The following C12orf42 variants were observed in gnomAD, a reference collection of about 807,000 sequenced individuals.
C12orf42 encodes uncharacterized protein C12orf42.
C12orf42 carries 25 observed loss-of-function variants against 21.6 expected under a neutral mutation model. The observed-to-expected ratio is 1.16, with a 90% CI of 0.84 to 1.62. The LOEUF is 1.62. Ranked by LOEUF, C12orf42 falls within the 40% of genes most tolerant of loss-of-function variation. C12orf42 has a pLI of 0.00. For synonymous variants in C12orf42, 174 were observed against 175.0 expected (o/e 0.99, Z 0.05); for missense variants, 483 against 459.3 (o/e 1.05, Z -0.47).
the C12orf42 span, among the ~76,000 whole-genome samples, chr12:103,219,564 G>T: frequency 9.2e-5 from 14 of 151,918 alleles, no homozygotes; most frequent in African/African-American, 3.4e-4. Context: ...AAATTTACAA[G>T]AAAAAAACAA....
intron 2 of C12orf42, among the ~76,000 whole-genome samples, chr12:103,423,034 G>A (rs966316060): frequency 1.3e-5 from 2 of 151,850 alleles, no homozygotes; most frequent in Admixed American, 1.3e-4. Context: ...TTTTTCCTTC[G>A]ATGCCCCCAG....
chr12:103,085,588 C>T, the C12orf42 span, among the ~76,000 whole-genome samples: 197 of 151,542 alleles, frequency 1.3e-3, no homozygotes, highest in African/African-American at 4.3e-3. Flanking sequence ...CGACCTCCTC[C>T]GCTCAAATTA....
intron 4 of C12orf42, among the ~76,000 whole-genome samples, chr12:103,329,069 T>A (rs2040972213): frequency 6.6e-6 from 1 of 151,570 alleles, no homozygotes; most frequent in Non-Finnish European, 1.5e-5. Flanking sequence ...CAGGCATGCA[T>A]TTAGAGCTAT....
chr12:103,558,946 G>A, the C12orf42 span: 1 of 152,116 alleles, frequency 6.6e-6, no homozygotes. Context: ...AATGAGCTGG[G>A]GCCTGTGTAG....
chr12:103,535,307 G>C, the C12orf42 span, among the ~76,000 whole-genome samples: 1 of 152,074 alleles, frequency 6.6e-6, no homozygotes, highest in Non-Finnish European at 1.5e-5. Flanking sequence ...AGACATTCAA[G>C]ACTGAAGTAT....
chr12:103,153,943 G>A, the C12orf42 span, among the ~76,000 whole-genome samples: 1 of 140,146 alleles, frequency 7.1e-6, no homozygotes, highest in African/African-American at 2.6e-5. Flanking sequence ...AGTAAATTGT[G>A]GTATTTTCAT....
At chr12:103,318,062 G>A (rs2039697927) in intron 4 of C12orf42, among the ~76,000 whole-genome samples, 1 of 152,040 alleles carries the variant, frequency 6.6e-6, no homozygotes, top group Non-Finnish European at 1.5e-5. Flanking sequence ...AGCACTTTAG[G>A]AGGCCAAGGT....
chr12:103,060,581 C>T, the C12orf42 span, among the ~76,000 whole-genome samples: 1 of 152,156 alleles, frequency 6.6e-6, no homozygotes, highest in Non-Finnish European at 1.5e-5. Flanking sequence ...AACTATACTA[C>T]AAGGCTACAG....
intron 10 of C12orf42, among the ~76,000 whole-genome samples, chr12:103,238,707 G>A (rs549111732): frequency 1.1e-4 from 17 of 152,264 alleles, no homozygotes; most frequent in African/African-American, 3.8e-4. Context: ...AAAACAGAGG[G>A]GAATGAAGGC....
chr12:103,180,965 A>G, the C12orf42 span, among the ~76,000 whole-genome samples: 1 of 152,146 alleles, frequency 6.6e-6, no homozygotes, highest in Non-Finnish European at 1.5e-5. Context: ...TAACTAATTT[A>G]AAAATTCAAG....
intron 10 of C12orf42, among the ~76,000 whole-genome samples, chr12:103,258,562 T>A (rs951202812): frequency 1.3e-5 from 2 of 151,680 alleles, no homozygotes; most frequent in Middle Eastern, 3.2e-3. Flanking sequence ...AATCAAAAAA[T>A]AAGAATAAAA....
the C12orf42 span, chr12:103,168,043 G>A: frequency 2.2e-6 from 1 of 455,632 alleles, no homozygotes; most frequent in Admixed American, 2.4e-5. Context: ...TATAGGTGAG[G>A]GAGAATGGGA....
At chr12:103,228,993 C>T in the C12orf42 span, among the ~76,000 whole-genome samples, 1 of 152,052 alleles carries the variant, frequency 6.6e-6, no homozygotes, top group Non-Finnish European at 1.5e-5. Flanking sequence ...AACCTCATTC[C>T]ATTCATTCAT....
At chr12:103,489,403 G>T (rs959194930) in intron 1 of C12orf42, among the ~76,000 whole-genome samples, 1 of 152,202 alleles carries the variant, frequency 6.6e-6, no homozygotes, top group African/African-American at 2.4e-5. Flanking sequence ...GGCTACACAG[G>T]GGTCAGGGAC....
chr12:103,276,031 C>A (rs1488641765), intron 5 of C12orf42, among the ~76,000 whole-genome samples: 1 of 152,132 alleles, frequency 6.6e-6, no homozygotes, highest in Non-Finnish European at 1.5e-5. Context: ...TATGATCATG[C>A]CTCCGCACTC....
the C12orf42 span, among the ~76,000 whole-genome samples, chr12:103,511,429 T>A: frequency 1.3e-5 from 2 of 151,626 alleles, no homozygotes; most frequent in African/African-American, 2.4e-5. Context: ...TTATATATAA[T>A]GCATGCATAT....
chr12:103,179,439 G>A, the C12orf42 span, among the ~76,000 whole-genome samples: 1 of 152,176 alleles, frequency 6.6e-6, no homozygotes, highest in African/African-American at 2.4e-5. Flanking sequence ...AATTAACCAA[G>A]TGAGAAAGAA....
At chr12:103,515,051 T>A in the C12orf42 span, among the ~76,000 whole-genome samples, 2 of 152,140 alleles carry the variant, frequency 1.3e-5, no homozygotes, top group African/African-American at 4.8e-5. Context: ...CTGCTAAACA[T>A]CCTGTAATGT....
chr12:103,528,626 A>G, the C12orf42 span, among the ~76,000 whole-genome samples: 1 of 152,326 alleles, frequency 6.6e-6, no homozygotes, highest in South Asian at 2.1e-4. Context: ...CTCTCTCTGC[A>G]TGCCAGCTCC....
Sources: allele counts gnomAD v4.1 joint callset (sites outside exome capture counted in the v4.1 genomes callset), GRCh38; gene constraint gnomAD v4.1.1; transcripts MANE v1.5; gene names NCBI Gene and HGNC (gene_info 2026-07-23, HGNC 2026-07-21).